The following EEFSEC variants were observed in gnomAD, a reference collection of about 807,000 sequenced individuals.
The protein encoded by EEFSEC is selenocysteine-specific elongation factor.
A neutral mutation model predicts 42.1 loss-of-function variants in EEFSEC; 43 were observed. The observed-to-expected ratio is 1.02, with a 90% CI of 0.80 to 1.32. The LOEUF is 1.32. Among genes scored for constraint, EEFSEC ranks in the 40% most tolerant of loss-of-function variants. The pLI, the probability that EEFSEC is intolerant of heterozygous loss-of-function variation, is 0.00. For missense variants in EEFSEC, 745 were observed against 803.6 expected (o/e 0.93, Z 0.88); for synonymous variants, 354 against 339.1 (o/e 1.04, Z -0.48).
intron 4 of EEFSEC, among the ~76,000 whole-genome samples, chr3:128,296,444 C>G (rs2066706965): frequency 6.6e-6 from 1 of 152,184 alleles, no homozygotes; most frequent in Non-Finnish European, 1.5e-5. Flanking sequence ...TGCAAGCCAT[C>G]CTGATGCTGG....
At chr3:128,260,205 T>C (rs981460662) in intron 2 of EEFSEC, among the ~76,000 whole-genome samples, 9 of 152,202 alleles carry the variant, frequency 5.9e-5, no homozygotes, top group African/African-American at 1.9e-4. Flanking sequence ...CGATTTCTCC[T>C]GAGAAACCAG....
chr3:128,380,873 C>T (rs566515139), intron 6 of EEFSEC, among the ~76,000 whole-genome samples: 15 of 152,340 alleles, frequency 9.8e-5, no homozygotes, highest in Admixed American at 2.6e-4. Flanking sequence ...GAGGGGGCCC[C>T]AATGGTGCCG....
chr3:128,175,877 T>C (rs1391617340), intron 1 of EEFSEC, among the ~76,000 whole-genome samples: 1 of 152,180 alleles, frequency 6.6e-6, no homozygotes, highest in African/African-American at 2.4e-5. Context: ...CTCAGTTAAG[T>C]GGAGCAGTGG....
intron 6 of EEFSEC, among the ~76,000 whole-genome samples, chr3:128,383,955 A>C (rs1201900156): frequency 6.6e-6 from 1 of 152,244 alleles, no homozygotes; most frequent in Non-Finnish European, 1.5e-5. Flanking sequence ...GACAAACTAG[A>C]AGTTCAGAAC....
chr3:128,407,979 G>A (rs985069738), intron 6 of EEFSEC, 90 bp from the exon 7 acceptor site: 3 of 1,259,020 alleles, frequency 2.4e-6, no homozygotes, highest in Non-Finnish European at 2.2e-6. Context: ...AGGCAGAAGA[G>A]GGGTGAGTCT....
intron 4 of EEFSEC, among the ~76,000 whole-genome samples, chr3:128,325,021 C>T (rs1012376461): frequency 1.3e-5 from 2 of 152,182 alleles, no homozygotes; most frequent in Non-Finnish European, 2.9e-5. Flanking sequence ...AGAGAGATAA[C>T]GGCCAGTCCG....
chr3:128,221,841 T>C (rs1465267463), intron 1 of EEFSEC, among the ~76,000 whole-genome samples: 1 of 152,040 alleles, frequency 6.6e-6, no homozygotes, highest in African/African-American at 2.4e-5. Flanking sequence ...GAATAGAAAT[T>C]ATAGCAAGAT....
intron 4 of EEFSEC, among the ~76,000 whole-genome samples, chr3:128,275,314 G>A (rs970225093): frequency 6.6e-6 from 1 of 152,204 alleles, no homozygotes; most frequent in Admixed American, 6.5e-5. Flanking sequence ...GGTCCACAAA[G>A]GAGTATCTGA....
intron 1 of EEFSEC, among the ~76,000 whole-genome samples, chr3:128,193,877 T>G (rs1185420050): frequency 6.6e-6 from 1 of 152,162 alleles, no homozygotes; most frequent in Non-Finnish European, 1.5e-5. Context: ...TCCTCTGGCA[T>G]GGGAGGACAG....
intron 6 of EEFSEC, among the ~76,000 whole-genome samples, chr3:128,362,909 C>A (rs183937348): frequency 6.6e-4 from 101 of 152,284 alleles, no homozygotes; most frequent in Non-Finnish European, 1.2e-3. Flanking sequence ...AAATAGAGAT[C>A]TTACTTTTGG....
chr3:128,350,814 G>C (rs545820143), intron 5 of EEFSEC, among the ~76,000 whole-genome samples: 2 of 152,170 alleles, frequency 1.3e-5, no homozygotes, highest in African/African-American at 4.8e-5. Flanking sequence ...CTGGTCAGGC[G>C]TTGATGAGAC....
chr3:128,289,996 A>G (rs1576611073), intron 4 of EEFSEC, among the ~76,000 whole-genome samples: 1 of 152,232 alleles, frequency 6.6e-6, no homozygotes, highest in Non-Finnish European at 1.5e-5. Flanking sequence ...CCTTTGTCAG[A>G]TAACACATAC....
downstream of EEFSEC, among the ~76,000 whole-genome samples, chr3:128,412,926 G>A (rs2068184028): frequency 2.0e-5 from 3 of 152,106 alleles, no homozygotes; most frequent in African/African-American, 7.2e-5. Flanking sequence ...AGCCAGGGAG[G>A]CCTAGAAGGC....
intron 4 of EEFSEC, among the ~76,000 whole-genome samples, chr3:128,273,756 C>T (rs536502418): frequency 1.8e-4 from 27 of 152,310 alleles, no homozygotes; most frequent in African/African-American, 5.1e-4. Context: ...CACTGGGTGG[C>T]CCAGGCATGG....
chr3:128,393,585 C>T (rs2067943023), intron 6 of EEFSEC, among the ~76,000 whole-genome samples: 1 of 152,234 alleles, frequency 6.6e-6, no homozygotes, highest in South Asian at 2.1e-4. Flanking sequence ...AGCCCCCACC[C>T]AGCCACAATG....
chr3:128,337,787 G>A (rs1397034571), intron 4 of EEFSEC, among the ~76,000 whole-genome samples: 2 of 152,206 alleles, frequency 1.3e-5, no homozygotes, highest in Admixed American at 6.5e-5. Flanking sequence ...AAATCTAGCA[G>A]TGCCAAATGT....
At chr3:128,310,772 TCAG>T (rs1312559989) in intron 4 of EEFSEC, among the ~76,000 whole-genome samples, 2 of 152,270 alleles carry the variant, frequency 1.3e-5, no homozygotes, top group East Asian at 3.8e-4. Flanking sequence ...CATTGCCACC[TCAG>T]TTTGGAAACC....
At chr3:128,424,522 C>A in the EEFSEC span, among the ~76,000 whole-genome samples, 3 of 152,032 alleles carry the variant, frequency 2.0e-5, no homozygotes, top group Admixed American at 6.6e-5. Context: ...GCTAAGACTA[C>A]ACAGGCATGC....
chr3:128,168,994 A>G (rs2065268287), intron 1 of EEFSEC, among the ~76,000 whole-genome samples: 1 of 152,198 alleles, frequency 6.6e-6, no homozygotes, highest in Non-Finnish European at 1.5e-5. Context: ...CCAGGGGTTG[A>G]GTTTCTAGTG....
Sources: allele counts gnomAD v4.1 joint callset (sites outside exome capture counted in the v4.1 genomes callset), GRCh38; gene constraint gnomAD v4.1.1; transcripts MANE v1.5; gene names NCBI Gene and HGNC (gene_info 2026-07-23, HGNC 2026-07-21).